ZSCAN23: variants seen among roughly 807,000 people sequenced by gnomAD.
ZSCAN23 encodes zinc finger and SCAN domain containing 23.
In ZSCAN23, 19 loss-of-function variants were observed where a neutral mutation model predicts 19.3. That is an observed-to-expected ratio of 0.99 (90% CI 0.69 to 1.45). The LOEUF is 1.45. Among genes scored for constraint, ZSCAN23 ranks in the 40% most tolerant of loss-of-function variants. The pLI is 0.00. For synonymous variants in ZSCAN23, 140 were observed against 166.2 expected, an observed-to-expected ratio of 0.84 and a Z score of 1.21; for missense variants, 372 against 462.5, an observed-to-expected ratio of 0.80 and a Z score of 1.79.
rs1177619106 is a variant in ZSCAN23 at position 28,434,664 on chromosome 6, A to C, written c.971T>G (p.Leu324Arg). ...FSQNAGLFHH[L>R]RIHTGEKPYQ... ...AGGCTTCTCCCCAGTGTGAATTCTG[A>C]GGTGATGGAAAAGCCCGGCATTCTG... Residue 324 changes from leucine (L) to arginine (R), a missense_variant, in exon 4 of 4, where the codon CTC becomes CGC. Coordinates refer to ENST00000289788, the MANE Select transcript of ZSCAN23 (RefSeq NM_001012455.2). The C allele has an allele frequency of 6.4e-7, 1 of 1,570,220 alleles. No homozygotes were observed. Among genetic ancestry groups the C allele is most frequent in the Non-Finnish European group, 8.6e-7 (1 of 1,157,616 alleles).
In ZSCAN23 at chr6:28,434,457, C is replaced by G. The variant is rs1761825793; in HGVS notation, c.*8G>C. On this transcript the variant is annotated 3_prime_UTR_variant, in exon 4 of 4. Transcript: ENST00000289788. The stretch of plus-strand genomic sequence containing the variant: ...TAAGAAATATTATCCCCTACCTGTT[C>G]CAAGGAGCTAGCTTGATTCAGCCAC... 1 of 1,527,874 alleles carries G rather than the reference C, an allele frequency of 6.5e-7. No homozygotes were observed. Among genetic ancestry groups the G allele is most frequent in the South Asian group, 1.3e-5 (1 of 79,292 alleles). 94.6% of individuals were successfully genotyped at this position (1,527,874 alleles called of 1,614,324 possible). A position where few individuals can be genotyped will look rare whatever the true frequency, so the allele number is the denominator to read the frequency against.
intron 1 of ZSCAN23, among the ~76,000 whole-genome samples, chr6:28,441,849 A>G (rs1762007607): frequency 6.6e-6 from 1 of 151,070 alleles, no homozygotes; most frequent in Admixed American, 6.6e-5. Flanking sequence ...GAGATAGCAG[A>G]GAACACAGGC....
intron 1 of ZSCAN23, among the ~76,000 whole-genome samples, chr6:28,442,381 C>T (rs1762019516): frequency 6.6e-6 from 1 of 152,126 alleles, no homozygotes; most frequent in African/African-American, 2.4e-5. Flanking sequence ...AATTTTGGTA[C>T]AATGGTAGTT....
Position 28,434,720 on chromosome 6 carries a change from G to C in ZSCAN23, c.915C>G (p.Tyr305Ter). 6.3e-7 allele frequency: 1 copy of C among 1,597,444 alleles called. No individual in the cohort carries two copies. The highest frequency in any genetic ancestry group is 1.1e-5 in the South Asian group (1 of 88,812). The change falls in exon 4 of 4, where the codon TAC becomes TAG. Residue 305 changes from tyrosine (Y) to a stop codon, truncating the protein, a stop_gained. Transcript: ENST00000289788. LOFTEE classifies it low-confidence loss of function (END_TRUNC). ...AGGCTTTGCCACAAACACTGCACTG[G>C]TAGCGCTTCTCCCCAGTGTGGAGTC... ...HQRLHTGEKR[Y>*]QCSVCGKAFS...
At position 28,434,482 on chromosome 6, in the gene ZSCAN23, C is replaced by A. The variant is rs1459600828; in HGVS notation, c.1153G>T (p.Val385Leu). Residue 385 changes from valine (V) to leucine (L), a missense_variant, in exon 4 of 4, where the codon GTG (valine) becomes TTG (leucine). Val to Leu is a conservative substitution (Grantham distance 32). Coordinates refer to ENST00000289788, the MANE Select transcript of ZSCAN23 (RefSeq NM_001012455.2). ...CCAAGGAGCTAGCTTGATTCAGCCA[C>A]TGGGTGGACTTTCCGATGCTGGATT... ...NLIQHRKVHP[V>L]AESS is the part of the protein sequence containing the mutation. 27 of 1,545,424 alleles carry A rather than the reference C, an allele frequency of 1.7e-5. No homozygotes were observed. The highest frequency in any genetic ancestry group is 2.3e-5 in the Non-Finnish European group (26 of 1,143,076).
chr6:28,438,803 T>A (rs1020957573), intron 1 of ZSCAN23, among the ~76,000 whole-genome samples: 25 of 152,240 alleles, frequency 1.6e-4, no homozygotes, highest in African/African-American at 5.3e-4. Context: ...TAATTCAAGA[T>A]GAGATTTGGA....
downstream of ZSCAN23, among the ~76,000 whole-genome samples, chr6:28,432,314 T>A (rs1761776440): frequency 6.6e-6 from 1 of 152,200 alleles, no homozygotes; most frequent in Non-Finnish European, 1.5e-5. Context: ...ATATTTTTCT[T>A]AACTTCACTC....
chr6:28,434,306 T>A lies in ZSCAN23; in HGVS notation c.*159A>T. 1 of 783,120 alleles carries A rather than the reference T, an allele frequency of 1.3e-6. No homozygotes were observed. The allele number at this position is 783,120 out of a possible 1,614,324, so 48.5% of individuals were successfully genotyped here. A position where few individuals can be genotyped will look rare whatever the true frequency, so the allele number is the denominator to read the frequency against. ...ACATTCAGTATTGCAAAGCTGTGGA[T>A]GTCACTGATCAGAGAACTCGGCAGA... On this transcript the variant is annotated 3_prime_UTR_variant, in exon 4 of 4. Transcript: ENST00000289788.
At position 28,435,459 on chromosome 6, in the gene ZSCAN23, C is replaced by G. The variant is rs1232415180; in HGVS notation, c.556+1G>C. The G allele has an allele frequency of 6.4e-7, 1 of 1,550,536 alleles. No homozygotes were observed. Among genetic ancestry groups the G allele is most frequent in the East Asian group, 2.4e-5 (1 of 40,924 alleles). On this transcript the variant is annotated splice_donor_variant, in intron 3 of 3. Coordinates refer to ENST00000289788, the MANE Select transcript of ZSCAN23 (RefSeq NM_001012455.2). LOFTEE classifies it high-confidence loss of function. ...CTGTCTGAGGAAATCCTGATCCTCACCAATCTCTTGAACTGGGCACACCTC... is the reference window on the plus strand; with the variant it reads ...CTGTCTGAGGAAATCCTGATCCTCAGCAATCTCTTGAACTGGGCACACCTC...
downstream of ZSCAN23, among the ~76,000 whole-genome samples, chr6:28,430,425 C>A (rs573198678): frequency 6.6e-6 from 1 of 152,310 alleles, no homozygotes; most frequent in Admixed American, 6.5e-5. Context: ...CTGTACCACA[C>A]AAATTGTCCA....
Position 28,434,921 on chromosome 6 carries a change from C to G in ZSCAN23, c.714G>C (p.Lys238Asn). 2 of 1,552,302 alleles carry G rather than the reference C, an allele frequency of 1.3e-6. No individual in the cohort carries two copies. Among genetic ancestry groups the G allele is most frequent in the Non-Finnish European group, 1.7e-6 (2 of 1,147,264 alleles). ...DTCDREGRLE[K>N]QRVSSSVERP... is the part of the protein sequence containing the mutation. ...TCTCCACTGAAGAGCTCACCCTTTG[C>G]TTTTCCAATCTGCCCTCACGGTCAC... is the stretch of plus-strand genomic sequence containing the variant. Residue 238 changes from lysine to asparagine, a missense_variant, in exon 4 of 4, where the codon AAG (lysine) becomes AAC (asparagine). Transcript: ENST00000289788.
At chr6:28,427,348 C>G (rs1041075259), downstream of ZSCAN23, among the ~76,000 whole-genome samples, 4 of 152,184 alleles carry the variant, frequency 2.6e-5, no homozygotes, top group African/African-American at 4.8e-5. Flanking sequence ...GCTTGGCACT[C>G]AGGAAGAACA....
intron 1 of ZSCAN23, among the ~76,000 whole-genome samples, chr6:28,437,875 T>A (rs1009481642): frequency 6.6e-6 from 1 of 151,938 alleles, no homozygotes; most frequent in South Asian, 2.1e-4. Context: ...TATAGTGACA[T>A]ACAATTATTT....
downstream of ZSCAN23, chr6:28,431,833 A>C (rs1332544882): frequency 1.3e-5 from 2 of 152,196 alleles, no homozygotes; most frequent in Non-Finnish European, 1.5e-5. Context: ...ATGAAGATGA[A>C]GCATGTTTCT....
At chr6:28,426,641 G>A in the ZSCAN23 span, among the ~76,000 whole-genome samples, 1 of 152,214 alleles carries the variant, frequency 6.6e-6, no homozygotes, top group African/African-American at 2.4e-5. Context: ...TGCACATGAT[G>A]TTGGAAAAAT....
At chr6:28,435,336 G>A in intron 3 of ZSCAN23, 124 bp downstream of exon 3, 1 of 1,328,282 alleles carries the variant, frequency 7.5e-7, no homozygotes. Context: ...CATCTGCCTT[G>A]TTTATCACTG....
At position 28,436,030 on chromosome 6, in the gene ZSCAN23, TG is replaced by T; in HGVS notation, c.236del (p.Pro79GlnfsTer10). 6.2e-7 allele frequency: 1 copy of T among 1,614,226 alleles called. No individual in the cohort carries two copies. The highest frequency in any genetic ancestry group is 8.5e-7 in the Non-Finnish European group (1 of 1,180,032). On this transcript the variant is annotated frameshift_variant, in exon 2 of 4. Transcript: ENST00000289788. LOFTEE classifies it high-confidence loss of function. ...GGATCTGCTCCTTGGTGTGCATCTC[TG>T]GTCTCAGCCACTGATGGCAGAGCTC... Reference protein sequence around the residue: ...LQELCHQWLRPEMHTKEQILE... With the variant: ...LQELCHQWLRXEMHTKEQILE...
chr6:28,422,257 T>C, the ZSCAN23 span, among the ~76,000 whole-genome samples: 1 of 151,988 alleles, frequency 6.6e-6, no homozygotes, highest in Non-Finnish European at 1.5e-5. This position sits in a 1 kb window ranked among gnomAD's most constrained non-coding sequence, Gnocchi z 4.0. Context: ...GAAAAGAGTT[T>C]ATGGCTTTTA....
At chr6:28,430,335 C>T (rs1188654742), downstream of ZSCAN23, among the ~76,000 whole-genome samples, 1 of 152,018 alleles carries the variant, frequency 6.6e-6, no homozygotes, top group East Asian at 1.9e-4. Context: ...CTCCCACAGC[C>T]CTAGTCATGT....
Sources: gnomAD v4.1 joint callset for allele counts (sites outside exome capture counted in the v4.1 genomes callset) on GRCh38, gnomAD v4.1.1 for gene constraint, Gnocchi (gnomAD v3.1) non-coding constraint, MANE v1.5 for transcripts, NCBI Gene and HGNC (gene_info 2026-07-23, HGNC 2026-07-21) for gene names.